Variants in MPPED2 observed in about 807,000 individuals in gnomAD.
MPPED2 encodes metallophosphoesterase MPPED2.
MPPED2 carries 5 observed loss-of-function variants against 33.0 expected under a neutral mutation model. That is an observed-to-expected ratio of 0.15 (90% CI 0.08 to 0.32). MPPED2 has a LOEUF of 0.32. MPPED2 is among the 10% of genes least tolerant of loss of function. The pLI, the probability that MPPED2 is intolerant of heterozygous loss-of-function variation, is 1.00. For synonymous variants in MPPED2, 136 were observed against 141.9 expected (o/e 0.96, Z 0.29); for missense variants, 275 against 372.1 (o/e 0.74, Z 2.15).
chr11:30,581,294 T>C lies in MPPED2; in HGVS notation c.-121-800A>G, dbSNP rs1392529278. Among the ~76,000 whole-genome samples, 9 of 152,240 alleles carry C rather than the reference T, an allele frequency of 5.9e-5. No individual in the cohort carries two copies. In the East Asian group the frequency reaches 1.5e-3, roughly 26 times the overall value. On this transcript the variant is annotated intron_variant, in intron 1 of 6. Coordinates refer to ENST00000358117, the MANE Select transcript of MPPED2 (RefSeq NM_001584.3). Reference sequence around the variant, plus strand: ...CCACCTCATTCTTGGTGCAACGTAATTCTCAGTAATTGGTTTCATTTTTTA... The same window carrying C: ...CCACCTCATTCTTGGTGCAACGTAACTCTCAGTAATTGGTTTCATTTTTTA...
At chr11:30,405,347 C>T (rs377374346), downstream of MPPED2, among the ~76,000 whole-genome samples, 16 of 152,264 alleles carry the variant, frequency 1.1e-4, no homozygotes, top group Admixed American at 2.0e-4. Context: ...TCAGATGCAC[C>T]TCATGGTAAC....
chr11:30,435,592 GC>G (rs1949287868), intron 4 of MPPED2, among the ~76,000 whole-genome samples: 1 of 152,220 alleles, frequency 6.6e-6, no homozygotes, highest in Admixed American at 6.5e-5. Flanking sequence ...AAGTTGAAGA[GC>G]AGGAAGTTTT....
At chr11:30,455,219 G>C (rs1294213099) in intron 4 of MPPED2, among the ~76,000 whole-genome samples, 3 of 152,198 alleles carry the variant, frequency 2.0e-5, no homozygotes, top group Non-Finnish European at 4.4e-5. Flanking sequence ...AACCAACCCT[G>C]GCTTGGCTGG....
chr11:30,484,213 G>A (rs898471478), intron 4 of MPPED2, among the ~76,000 whole-genome samples: 2 of 152,032 alleles, frequency 1.3e-5, no homozygotes, highest in African/African-American at 4.8e-5. Context: ...GGCACCTTCA[G>A]ATGCTGTCTT....
At chr11:30,534,794 G>A (rs377192057) in intron 3 of MPPED2, among the ~76,000 whole-genome samples, 147 of 152,280 alleles carry the variant, frequency 9.7e-4, no homozygotes, top group African/African-American at 3.5e-3. Flanking sequence ...GCACATTTCA[G>A]TGCTAGCTAC....
At chr11:30,523,723 G>A (rs1162959220) in intron 3 of MPPED2, among the ~76,000 whole-genome samples, 1 of 150,108 alleles carries the variant, frequency 6.7e-6, no homozygotes, top group African/African-American at 2.5e-5. Flanking sequence ...CACATCCCAG[G>A]TTCAAGCAAT....
At chr11:30,585,188 T>C (rs1283087791) in intron 1 of MPPED2, among the ~76,000 whole-genome samples, 1 of 152,174 alleles carries the variant, frequency 6.6e-6, no homozygotes, top group Admixed American at 6.5e-5. Flanking sequence ...AAGAAACTCC[T>C]GCCTCTGTAG....
intron 3 of MPPED2, among the ~76,000 whole-genome samples, chr11:30,523,551 C>T (rs1953990669): frequency 2.6e-5 from 4 of 151,940 alleles, no homozygotes; most frequent in Admixed American, 2.0e-4. Context: ...TCAATTTCAT[C>T]CTCACGACTC....
chr11:30,583,073 C>T (rs1004321146), intron 1 of MPPED2, among the ~76,000 whole-genome samples: 3 of 149,538 alleles, frequency 2.0e-5, no homozygotes, highest in Non-Finnish European at 3.0e-5. Flanking sequence ...CATCCCCACC[C>T]GTATCTCAAA....
At chr11:30,450,325 T>C (rs1405645208) in intron 4 of MPPED2, among the ~76,000 whole-genome samples, 1 of 152,214 alleles carries the variant, frequency 6.6e-6, no homozygotes, top group Non-Finnish European at 1.5e-5. Flanking sequence ...ATCAGAATAA[T>C]AAAGACAACA....
chr11:30,518,641 A>G (rs1217509626), intron 3 of MPPED2, among the ~76,000 whole-genome samples: 3 of 152,182 alleles, frequency 2.0e-5, no homozygotes, highest in Non-Finnish European at 4.4e-5. Context: ...AAATAAAACT[A>G]TTTAGCTATA....
chr11:30,500,977 G>A (rs931948306), intron 3 of MPPED2, among the ~76,000 whole-genome samples: 1 of 152,158 alleles, frequency 6.6e-6, no homozygotes, highest in African/African-American at 2.4e-5. Context: ...GAAGTGTCCT[G>A]TTCCTTCTCC....
At chr11:30,391,398 A>G (rs547422459) in intron 6 of MPPED2, among the ~76,000 whole-genome samples, 2 of 152,174 alleles carry the variant, frequency 1.3e-5, no homozygotes, top group Non-Finnish European at 2.9e-5. Flanking sequence ...TGGGCCAGGT[A>G]CCTAACGTTA....
At chr11:30,542,435 G>A (rs1279733032) in intron 2 of MPPED2, among the ~76,000 whole-genome samples, 1 of 135,890 alleles carries the variant, frequency 7.4e-6, no homozygotes, top group East Asian at 2.2e-4. Flanking sequence ...GCAACATGGC[G>A]AGACCCCATC....
At chr11:30,454,032 C>T (rs143966192) in intron 4 of MPPED2, among the ~76,000 whole-genome samples, 440 of 152,248 alleles carry the variant, frequency 2.9e-3, no homozygotes, top group Non-Finnish European at 4.2e-3. Context: ...TGGCCACACA[C>T]CCTTGTTTCA....
intron 6 of MPPED2, among the ~76,000 whole-genome samples, chr11:30,403,987 G>T (rs1404685363): frequency 6.6e-6 from 1 of 152,140 alleles, no homozygotes; most frequent in African/African-American, 2.4e-5. Context: ...CTCATTGCTT[G>T]TTCAAATGCC....
chr11:30,512,725 G>T (rs1260808527), intron 3 of MPPED2, among the ~76,000 whole-genome samples: 1 of 152,216 alleles, frequency 6.6e-6, no homozygotes, highest in Non-Finnish European at 1.5e-5. Flanking sequence ...TCATGGCTGG[G>T]TGCAGTGGCT....
intron 4 of MPPED2, chr11:30,468,947 C>T (rs1191737966): frequency 6.6e-6 from 1 of 152,244 alleles, no homozygotes; most frequent in African/African-American, 2.4e-5. Context: ...CACTTACCTT[C>T]CTTATCAGTT....
intron 2 of MPPED2, among the ~76,000 whole-genome samples, chr11:30,559,562 G>T (rs571239619): frequency 1.3e-5 from 2 of 152,010 alleles, no homozygotes; most frequent in Admixed American, 1.3e-4. Context: ...TTCTCCTTCC[G>T]AATGAAATGT....
Sources: allele counts gnomAD v4.1 joint callset (sites outside exome capture counted in the v4.1 genomes callset), GRCh38; gene constraint gnomAD v4.1.1; transcripts MANE v1.5; gene names NCBI Gene and HGNC (gene_info 2026-07-23, HGNC 2026-07-21).